The following TAFA1 variants were observed in gnomAD, a reference collection of about 807,000 sequenced individuals.
TAFA1 encodes the protein chemokine-like protein TAFA-1.
Under a neutral mutation model 18.5 loss-of-function variants are expected in TAFA1, and 4 were observed. That is an observed-to-expected ratio of 0.22 (90% CI 0.11 to 0.49). The LOEUF (loss-of-function observed/expected upper bound fraction) is 0.49. TAFA1 is among the 20% of genes least tolerant of loss of function. The pLI is 0.98. For missense variants in TAFA1, 147 were observed against 169.0 expected (o/e 0.87, Z 0.72); for synonymous variants, 56 against 55.2 (o/e 1.01, Z -0.06).
intron 2 of TAFA1, among the ~76,000 whole-genome samples, chr3:68,348,510 C>T (rs1161553587): frequency 6.6e-6 from 1 of 152,112 alleles, no homozygotes; most frequent in Non-Finnish European, 1.5e-5. Context: ...AAAACCATTG[C>T]AAGCTACCTG....
chr3:68,519,790 G>C (rs991333584), intron 3 of TAFA1, among the ~76,000 whole-genome samples: 8 of 152,064 alleles, frequency 5.3e-5, no homozygotes, highest in African/African-American at 1.9e-4. Context: ...CATCCATGAG[G>C]GCTCCACTTT....
intron 2 of TAFA1, among the ~76,000 whole-genome samples, chr3:68,012,816 AG>A (rs776519301): frequency 2.0e-5 from 3 of 152,132 alleles, no homozygotes; most frequent in Non-Finnish European, 4.4e-5. Flanking sequence ...TTTCCTTTTA[AG>A]GGTCTTAATC....
chr3:68,070,344 C>T (rs1434009330), intron 2 of TAFA1, among the ~76,000 whole-genome samples: 1 of 152,194 alleles, frequency 6.6e-6, no homozygotes, highest in Non-Finnish European at 1.5e-5. Context: ...TATACCTTGG[C>T]CCATTTTAGC....
intron 3 of TAFA1, among the ~76,000 whole-genome samples, chr3:68,495,939 C>A (rs2072538377): frequency 7.1e-6 from 1 of 141,216 alleles, no homozygotes; most frequent in African/African-American, 2.7e-5. Flanking sequence ...GTTTATTCTG[C>A]AGGATTTTCT....
At chr3:68,458,986 A>G (rs4260447) in intron 3 of TAFA1, among the ~76,000 whole-genome samples, 5,359 of 152,252 alleles carry the variant, frequency 0.035, 135 homozygotes, top group East Asian at 0.11. Flanking sequence ...ACAGCAATCT[A>G]CAGAAAAAGG....
intron 2 of TAFA1, among the ~76,000 whole-genome samples, chr3:68,008,461 G>A (rs972260156): frequency 1.3e-5 from 2 of 152,182 alleles, no homozygotes; most frequent in Non-Finnish European, 2.9e-5. Context: ...CTGAGGATTA[G>A]TTCACACTGT....
chr3:68,093,128 C>G (rs1330727666), intron 2 of TAFA1, among the ~76,000 whole-genome samples: 1 of 152,094 alleles, frequency 6.6e-6, no homozygotes, highest in Non-Finnish European at 1.5e-5. Flanking sequence ...CTTTCGTGTA[C>G]TCTCAGTGTT....
chr3:68,007,541 T>C (rs1441924582), intron 2 of TAFA1, among the ~76,000 whole-genome samples: 2 of 152,040 alleles, frequency 1.3e-5, no homozygotes, highest in Admixed American at 6.6e-5. Context: ...TTTCCTTCCA[T>C]TTTCTGTTCA....
chr3:68,348,437 TAAATAAA>T (rs775941966), intron 2 of TAFA1, among the ~76,000 whole-genome samples: 26 of 152,148 alleles, frequency 1.7e-4, no homozygotes, highest in Non-Finnish European at 3.2e-4. Context: ...TTTGGCCACT[TAAATAAA>T]AGAGCTTATT....
chr3:68,504,204 A>G (rs112356113), intron 3 of TAFA1, among the ~76,000 whole-genome samples: 2,196 of 152,244 alleles, frequency 0.014, 42 homozygotes, highest in African/African-American at 0.05. Flanking sequence ...ATTATTCCAT[A>G]AGGATCTTTC....
intron 4 of TAFA1, among the ~76,000 whole-genome samples, chr3:68,542,319 T>G (rs1279151395): frequency 6.6e-6 from 1 of 152,138 alleles, no homozygotes; most frequent in Non-Finnish European, 1.5e-5. Flanking sequence ...TGATCATTGC[T>G]TCAATTGCTT....
intron 3 of TAFA1, among the ~76,000 whole-genome samples, chr3:68,504,186 T>A (rs1575931065): frequency 6.6e-6 from 1 of 152,168 alleles, no homozygotes. Flanking sequence ...CCTTAGTCTG[T>A]CGTAAACATT....
chr3:68,332,698 A>G (rs1285648871), intron 2 of TAFA1, among the ~76,000 whole-genome samples: 2 of 152,210 alleles, frequency 1.3e-5, no homozygotes, highest in Non-Finnish European at 2.9e-5. Context: ...ATGGATATAA[A>G]TCAAAATCAC....
chr3:68,320,900 A>G (rs1208014107), intron 2 of TAFA1, among the ~76,000 whole-genome samples: 1 of 152,108 alleles, frequency 6.6e-6, no homozygotes, highest in African/African-American at 2.4e-5. Flanking sequence ...CCCTCTTCCC[A>G]ATGGGACAAA....
At chr3:68,225,516 T>C (rs1205021888) in intron 2 of TAFA1, among the ~76,000 whole-genome samples, 1 of 152,126 alleles carries the variant, frequency 6.6e-6, no homozygotes, top group Non-Finnish European at 1.5e-5. Flanking sequence ...TCATGTCTCC[T>C]CTCATCTTGT....
intron 3 of TAFA1, among the ~76,000 whole-genome samples, chr3:68,455,961 T>C (rs1348691328): frequency 6.6e-6 from 1 of 152,190 alleles, no homozygotes; most frequent in Admixed American, 6.5e-5. Context: ...ATATAAAGGT[T>C]GAATTAAATA....
intron 2 of TAFA1, among the ~76,000 whole-genome samples, chr3:68,253,270 C>G (rs1480107446): frequency 6.6e-6 from 1 of 152,130 alleles, no homozygotes; most frequent in African/African-American, 2.4e-5. Flanking sequence ...CCACTGTATA[C>G]CAGGTAAGTT....
intron 2 of TAFA1, among the ~76,000 whole-genome samples, chr3:68,163,826 A>G (rs1159722284): frequency 6.6e-6 from 1 of 152,226 alleles, no homozygotes; most frequent in Non-Finnish European, 1.5e-5. Flanking sequence ...GATGGGAAGG[A>G]GCATGTAAGT....
intron 2 of TAFA1, among the ~76,000 whole-genome samples, chr3:68,171,704 T>C (rs1284769142): frequency 6.6e-6 from 1 of 151,834 alleles, no homozygotes; most frequent in Non-Finnish European, 1.5e-5. Context: ...TTGTGGAGAG[T>C]ATGACAGCAA....
Sources: gnomAD v4.1 joint callset for allele counts (sites outside exome capture counted in the v4.1 genomes callset) on GRCh38, gnomAD v4.1.1 for gene constraint, MANE v1.5 for transcripts, NCBI Gene and HGNC (gene_info 2026-07-23, HGNC 2026-07-21) for gene names.